FAM161A: variants seen among roughly 807,000 people sequenced by gnomAD.
FAM161A encodes FAM161 centrosomal protein A.
Under a neutral mutation model 70.9 loss-of-function variants are expected in FAM161A, and 57 were observed. That is an observed-to-expected ratio of 0.80 (90% CI 0.65 to 1.00). FAM161A has a LOEUF of 1.00. Ranked by LOEUF, FAM161A falls within the 50% of genes least tolerant of loss-of-function variation. The pLI, the probability that FAM161A is intolerant of heterozygous loss-of-function variation, is 0.00. For synonymous variants in FAM161A, 299 were observed against 295.7 expected (o/e 1.01, Z -0.12); for missense variants, 880 against 836.0 (o/e 1.05, Z -0.65).
the FAM161A span, among the ~76,000 whole-genome samples, chr2:61,811,665 G>A: frequency 1.3e-5 from 2 of 151,962 alleles, no homozygotes; most frequent in Non-Finnish European, 1.5e-5. Context: ...GAACCACTGC[G>A]CCTGGCCTAA....
downstream of FAM161A, among the ~76,000 whole-genome samples, chr2:61,822,634 T>G (rs1279334089): frequency 2.6e-5 from 4 of 152,200 alleles, no homozygotes; most frequent in Non-Finnish European, 4.4e-5. Context: ...TTGCCTAGGC[T>G]AGAGTGCAGT....
At chr2:61,834,607 C>T (rs905113627) in intron 5 of FAM161A, among the ~76,000 whole-genome samples, 9 of 151,986 alleles carry the variant, frequency 5.9e-5, no homozygotes, top group African/African-American at 2.2e-4. Context: ...GGACTACAGG[C>T]ACGCAAAACC....
At chr2:61,804,519 T>C in the FAM161A span, among the ~76,000 whole-genome samples, 2 of 151,974 alleles carry the variant, frequency 1.3e-5, no homozygotes, top group Non-Finnish European at 2.9e-5. Flanking sequence ...ACCCCGTCTC[T>C]ACTAAAAATA....
At chr2:61,819,087 C>A in the FAM161A span, among the ~76,000 whole-genome samples, 7 of 152,316 alleles carry the variant, frequency 4.6e-5, no homozygotes, top group East Asian at 1.2e-3. Flanking sequence ...ATCTAAATTA[C>A]ATGCCAGGCT....
Position 61,826,518 on chromosome 2 carries a change from G to A in FAM161A, c.2088C>T (p.Tyr696=). 1.9e-6 allele frequency: 3 copies of A among 1,606,880 alleles called. No homozygotes were observed. Among genetic ancestry groups the A allele is most frequent in the South Asian group, 1.1e-5 (1 of 90,194 alleles). ...YFIDTNSQDS[Y]KEKDEANEES... is the part of the protein sequence containing the mutation. Reference sequence around the variant, plus strand: ...CCTCATTGGCTTCATCTTTTTCCTTGTAAGAATCCTGGCTGTTGGTATCAA... The same window carrying A: ...CCTCATTGGCTTCATCTTTTTCCTTATAAGAATCCTGGCTGTTGGTATCAA... The change falls in exon 7 of 7, where the codon TAC becomes TAT. Residue 696 remains tyrosine, a synonymous_variant. Coordinates refer to ENST00000404929, the MANE Select transcript of FAM161A (RefSeq NM_001201543.2).
At chr2:61,834,687 C>A (rs1386501005) in intron 5 of FAM161A, among the ~76,000 whole-genome samples, 2 of 151,942 alleles carry the variant, frequency 1.3e-5, no homozygotes, top group African/African-American at 4.8e-5. Flanking sequence ...GGTCTCGAAC[C>A]ACTGACCTTA....
At chr2:61,815,612 G>A in the FAM161A span, among the ~76,000 whole-genome samples, 2 of 142,188 alleles carry the variant, frequency 1.4e-5, no homozygotes, top group South Asian at 2.4e-4. Flanking sequence ...GTGCAGTGGC[G>A]CGGTCTCAGC....
chr2:61,806,229 A>C, the FAM161A span, among the ~76,000 whole-genome samples: 1 of 152,190 alleles, frequency 6.6e-6, no homozygotes, highest in Non-Finnish European at 1.5e-5. Context: ...GTCTCAAAAA[A>C]AAAGAAAGAA....
chr2:61,832,114 T>C (rs573172613), intron 5 of FAM161A, among the ~76,000 whole-genome samples: 59 of 151,934 alleles, frequency 3.9e-4, no homozygotes, highest in Admixed American at 5.9e-4. Context: ...GCATGGTAGC[T>C]TGTGCCTGTA....
chr2:61,825,104 C>T lies in FAM161A; in HGVS notation c.*1351G>A, dbSNP rs972050947. The T allele has an allele frequency of 1.3e-5, 6 of 453,008 alleles. No homozygotes were observed. Among genetic ancestry groups the T allele is most frequent in the African/African-American group, 8.0e-5 (4 of 49,956 alleles). 28.1% of individuals were successfully genotyped at this position (453,008 alleles called of 1,614,324 possible). A position where few individuals can be genotyped will look rare whatever the true frequency, so the allele number is the denominator to read the frequency against. The stretch of plus-strand genomic sequence containing the variant: ...TGCCAGTTTGGAAACACTGCTATTA[C>T]ATACACCTGTATTAGTTCATCCTTT... On this transcript the variant is annotated 3_prime_UTR_variant, in exon 7 of 7. Coordinates refer to ENST00000404929, the MANE Select transcript of FAM161A (RefSeq NM_001201543.2).
At chr2:61,823,457 T>C (rs914425193), downstream of FAM161A, among the ~76,000 whole-genome samples, 8 of 150,918 alleles carry the variant, frequency 5.3e-5, no homozygotes, top group African/African-American at 2.0e-4. Context: ...CTCAACCACC[T>C]GGGCTGAACC....
At position 61,840,492 on chromosome 2, in the gene FAM161A, A is replaced by G. The variant is rs1672979627; in HGVS notation, c.512T>C (p.Val171Ala). 1.2e-6 allele frequency: 2 copies of G among 1,613,388 alleles called. No homozygotes were observed. Among genetic ancestry groups the G allele is most frequent in the East Asian group, 2.2e-5 (1 of 44,864 alleles). Residue 171 changes from valine (V) to alanine (A), a missense_variant, in exon 3 of 7, where the codon GTG becomes GCG. Coordinates refer to ENST00000404929, the MANE Select transcript of FAM161A (RefSeq NM_001201543.2). ...PDLGQSSSLY[V>A]SSSEEELPNL... ...GGGTAACTCCTCTTCAGAGGAGGAC[A>G]CATACAAGGAGGAAGACTGGCCTAA...
rs761352036 is a variant in FAM161A at position 61,839,633 on chromosome 2, A to T, written c.1371T>A (p.Phe457Leu). The change falls in exon 3 of 7, where the codon TTT (phenylalanine) becomes TTA (leucine). Residue 457 changes from phenylalanine (F) to leucine (L), a missense_variant. By Grantham distance (22) the Phe-to-Leu change is conservative. Transcript: ENST00000404929. The stretch of plus-strand genomic sequence containing the variant: ...ATGCATGTGGAGATGCATGAAGATC[A>T]AATGGTTTACACACTGTTAAGAGTT... The part of the protein sequence containing the change: ...SPKLLTVCKP[F>L]DLHASPHASI... 1 of 1,614,234 alleles carries T rather than the reference A, an allele frequency of 6.2e-7. No individual in the cohort carries two copies. Among genetic ancestry groups the T allele is most frequent in the Admixed American group, 1.7e-5 (1 of 60,034 alleles).
rs116843370 is a variant in FAM161A at position 61,841,169 on chromosome 2, G to A, written c.423-588C>T. On this transcript the variant is annotated intron_variant, in intron 2 of 6. Transcript: ENST00000404929. The stretch of plus-strand genomic sequence containing the variant: ...CACTTTCCAGAGTCACTGTCCTGAA[G>A]CATAGATCTGATCATGTCATTCCCC... Among the ~76,000 whole-genome samples the A allele has an allele frequency of 8.1e-4, 124 of 152,238 alleles. 2 individuals are homozygous for A. In the East Asian group the frequency reaches 0.023, roughly 28 times the overall value.
chr2:61,846,310 G>A (rs1673213892), intron 1 of FAM161A, among the ~76,000 whole-genome samples: 2 of 152,176 alleles, frequency 1.3e-5, no homozygotes, highest in African/African-American at 4.8e-5. Flanking sequence ...CCTAGAAAGG[G>A]AGGTTAGGGC....
chr2:61,804,778 G>GAA, the FAM161A span, among the ~76,000 whole-genome samples: 2 of 131,534 alleles, frequency 1.5e-5, no homozygotes, highest in African/African-American at 2.9e-5. Flanking sequence ...GAGAAAGAAA[G>GAA]AAAGAAAGAA....
chr2:61,833,122 T>A (rs537594186), intron 5 of FAM161A, among the ~76,000 whole-genome samples: 1 of 151,826 alleles, frequency 6.6e-6, no homozygotes, highest in South Asian at 2.1e-4. Context: ...AAGAAAAAAT[T>A]TTTTTAAAGG....
chr2:61,828,283 T>C (rs1159845450), intron 5 of FAM161A, among the ~76,000 whole-genome samples: 2 of 19,932 alleles, frequency 1.0e-4, no homozygotes, highest in Non-Finnish European at 3.2e-4. Flanking sequence ...TAAAGATATC[T>C]GAAAAAAAAA....
At chr2:61,822,297 A>T (rs1413921191), downstream of FAM161A, among the ~76,000 whole-genome samples, 4 of 152,138 alleles carry the variant, frequency 2.6e-5, no homozygotes, top group Middle Eastern at 0.01. Flanking sequence ...TAAAAATTTT[A>T]AAAAGTTATT....
Sources: allele counts gnomAD v4.1 joint callset (sites outside exome capture counted in the v4.1 genomes callset), GRCh38; gene constraint gnomAD v4.1.1; transcripts MANE v1.5; gene names NCBI Gene and HGNC (gene_info 2026-07-23, HGNC 2026-07-21).